Variants in APBB2 observed in about 807,000 individuals in gnomAD.
APBB2 encodes amyloid beta precursor protein binding family B member 2, also known as Fe65-like 1.
A neutral mutation model predicts 82.5 loss-of-function variants in APBB2; 38 were observed. That is an observed-to-expected ratio of 0.46 (90% CI 0.36 to 0.60). APBB2 has a LOEUF of 0.60. APBB2 is among the 20% of genes least tolerant of loss of function. The probability of loss-of-function intolerance (pLI) is 0.00; values close to 1 mark genes in which losing one functional copy is unlikely to be tolerated. For missense variants in APBB2, 772 were observed against 972.3 expected (o/e 0.79, Z 2.74); for synonymous variants, 341 against 368.2 (o/e 0.93, Z 0.85).
At chr4:41,101,470 C>A (rs868642530) in intron 2 of APBB2, among the ~76,000 whole-genome samples, 26 of 72,514 alleles carry the variant, frequency 3.6e-4, no homozygotes, top group South Asian at 1.6e-3. Context: ...GACTCCGTCT[C>A]AAAAAAAAAA....
intron 6 of APBB2, among the ~76,000 whole-genome samples, chr4:40,955,303 T>G (rs1405843180): frequency 6.6e-6 from 1 of 152,276 alleles, no homozygotes; most frequent in East Asian, 1.9e-4. Flanking sequence ...GGCAAGGTCA[T>G]GTGGCTGGAA....
At position 40,826,252 on chromosome 4, in the gene APBB2, A is replaced by G. The variant is rs1350112645; in HGVS notation, c.1733-282T>C. The stretch of plus-strand genomic sequence containing the variant: ...CTGTCTCTTTGATGTATATTAAGTA[A>G]AGTAGCAGCTTTTGGTGTCCTATTT... On this transcript the variant is annotated intron_variant, in intron 14 of 17. Transcript: ENST00000508593. This position sits in a 1 kb window ranked among gnomAD's most constrained non-coding sequence, Gnocchi z 4.5. 2.7e-6 allele frequency: 1 copy of G among 372,398 alleles called. No homozygotes were observed. The highest frequency in any genetic ancestry group is 5.0e-6 in the Non-Finnish European group (1 of 201,366). 23.1% of individuals were successfully genotyped at this position (372,398 alleles called of 1,614,324 possible). A position where few individuals can be genotyped will look rare whatever the true frequency, so the allele number is the denominator to read the frequency against.
chr4:40,898,686 C>A (rs1384563852), intron 10 of APBB2, among the ~76,000 whole-genome samples: 1 of 151,890 alleles, frequency 6.6e-6, no homozygotes, highest in Non-Finnish European at 1.5e-5. Context: ...ACGATACATA[C>A]GAATATATGA....
At chr4:40,928,692 C>T (rs1426862679) in intron 10 of APBB2, among the ~76,000 whole-genome samples, 1 of 151,956 alleles carries the variant, frequency 6.6e-6, no homozygotes, top group Non-Finnish European at 1.5e-5. Flanking sequence ...CGAGGTCAGC[C>T]TGGCCAACAT....
intron 1 of APBB2, among the ~76,000 whole-genome samples, chr4:41,176,795 G>T (rs925930065): frequency 1.3e-5 from 2 of 152,070 alleles, no homozygotes; most frequent in South Asian, 2.1e-4. Flanking sequence ...AGCATTTTGG[G>T]TTAACAAAAA....
At chr4:40,858,751 T>C (rs989551389) in intron 12 of APBB2, among the ~76,000 whole-genome samples, 2 of 152,224 alleles carry the variant, frequency 1.3e-5, no homozygotes, top group Non-Finnish European at 2.9e-5. Flanking sequence ...AAATTTTATA[T>C]TATGCTTTTC....
intron 1 of APBB2, among the ~76,000 whole-genome samples, chr4:41,144,313 A>G (rs1468262672): frequency 6.6e-6 from 1 of 152,250 alleles, no homozygotes; most frequent in Non-Finnish European, 1.5e-5. Context: ...ACAGCAGAAA[A>G]AAAGCAAAAT....
chr4:41,178,707 T>G (rs1466863619), intron 1 of APBB2, among the ~76,000 whole-genome samples: 3 of 152,188 alleles, frequency 2.0e-5, no homozygotes, highest in Non-Finnish European at 2.9e-5. Context: ...TAGTAAGCTT[T>G]TGGGGAAGAA....
intron 10 of APBB2, 148 bp downstream of exon 10, chr4:40,934,308 G>A (rs1784886973): frequency 2.7e-6 from 2 of 753,828 alleles, no homozygotes; most frequent in Non-Finnish European, 4.3e-6. Context: ...TTCTTCAAGT[G>A]TCAGGGAGAT....
rs1715798226 is a variant in APBB2 at position 41,029,400 on chromosome 4, A to T, written c.19+3836T>A. 2.0e-5 allele frequency among the ~76,000 whole-genome samples: 3 copies of T among 152,346 alleles called. No homozygotes were observed. The East Asian group carries it at 5.8e-4, about 29-fold the overall frequency. On this transcript the variant is annotated intron_variant, in intron 5 of 17. Coordinates refer to ENST00000508593, the MANE Select transcript of APBB2 (RefSeq NM_004307.2). Reference sequence around the variant, plus strand: ...ATAAGGCAGCTTGGGTCACCGGGCCAGGGAGATGGGAGGATTTGAACCTCA... The same window carrying T: ...ATAAGGCAGCTTGGGTCACCGGGCCTGGGAGATGGGAGGATTTGAACCTCA...
At chr4:40,829,205 T>C (rs1750998194) in intron 13 of APBB2, among the ~76,000 whole-genome samples, 1 of 152,144 alleles carries the variant, frequency 6.6e-6, no homozygotes, top group African/African-American at 2.4e-5. Context: ...ACCACAATAG[T>C]GTGTCCTTGG....
chr4:40,881,395 T>G, intron 12 of APBB2: 1 of 984,808 alleles, frequency 1.0e-6, no homozygotes, highest in Non-Finnish European at 1.2e-6. Context: ...TCTTCCAGAC[T>G]GAGACCCCAC....
chr4:41,182,514 T>C (rs1431057450), intron 1 of APBB2, among the ~76,000 whole-genome samples: 2 of 152,230 alleles, frequency 1.3e-5, no homozygotes, highest in African/African-American at 2.4e-5. Flanking sequence ...TGAAACTTCT[T>C]TGAACTCTGG....
Position 40,812,021 on chromosome 4 carries a change from C to CAA in APBB2, c.*4069_*4070dup, listed in dbSNP as rs920423284. The CAA allele has an allele frequency of 1.3e-5, 2 of 152,290 alleles. No individual in the cohort carries two copies. Among genetic ancestry groups the CAA allele is most frequent in the African/African-American group, 4.8e-5 (2 of 41,552 alleles). The allele number at this position is 152,290 out of a possible 1,614,324, so 9.4% of individuals were successfully genotyped here. A position where few individuals can be genotyped will look rare whatever the true frequency, so the allele number is the denominator to read the frequency against. On this transcript the variant is annotated 3_prime_UTR_variant, in exon 18 of 18. Coordinates refer to ENST00000508593, the MANE Select transcript of APBB2 (RefSeq NM_004307.2). ...ATCACAATCCTAGCAAGACCGCTTA[C>CAA]AAAAGACTCGAGTTGGTGACTAAAT...
At chr4:41,196,570 C>T in intron 1 of APBB2, among the ~76,000 whole-genome samples, 3 of 146,098 alleles carry the variant, frequency 2.1e-5, no homozygotes, top group Non-Finnish European at 4.5e-5. Flanking sequence ...CTGGTCTTTG[C>T]TGTTCCTGTC....
At chr4:40,872,867 C>A (rs534744981) in intron 12 of APBB2, among the ~76,000 whole-genome samples, 67 of 151,924 alleles carry the variant, frequency 4.4e-4, no homozygotes, top group African/African-American at 1.5e-3. Context: ...GGGTGGATCA[C>A]CTCAGGTCAG....
At chr4:40,913,926 CG>C (rs1422441680) in intron 10 of APBB2, among the ~76,000 whole-genome samples, 1 of 152,018 alleles carries the variant, frequency 6.6e-6, no homozygotes. Context: ...TGAAGGTCAA[CG>C]GATCAATAAC....
At chr4:41,052,592 C>T (rs1280751899) in intron 4 of APBB2, among the ~76,000 whole-genome samples, 1 of 152,146 alleles carries the variant, frequency 6.6e-6, no homozygotes, top group Non-Finnish European at 1.5e-5. Context: ...CTAACAGTTT[C>T]TGTGGTCCTG....
At position 40,922,895 on chromosome 4, in the gene APBB2, G is replaced by A. The variant is rs185002280; in HGVS notation, c.1254+11561C>T. 2.6e-5 allele frequency among the ~76,000 whole-genome samples: 4 copies of A among 152,084 alleles called. No homozygotes were observed. The East Asian group carries it at 5.8e-4, about 22-fold the overall frequency. On this transcript the variant is annotated intron_variant, in intron 10 of 17. Transcript: ENST00000508593. The stretch of plus-strand genomic sequence containing the variant: ...GGCCTCCCAAAGTGCTGGGATTACA[G>A]GCATGAGCCACTGCACCCAGCCAGC...
Sources: allele counts gnomAD v4.1 joint callset (sites outside exome capture counted in the v4.1 genomes callset), GRCh38; gene constraint gnomAD v4.1.1; non-coding constraint Gnocchi (gnomAD v3.1); transcripts MANE v1.5; gene names NCBI Gene and HGNC (gene_info 2026-07-23, HGNC 2026-07-21).